The following PHF14 variants were observed in gnomAD, a reference collection of about 807,000 sequenced individuals.
PHF14 encodes the protein PHD finger protein 14.
In PHF14, 55 loss-of-function variants were observed where a neutral mutation model predicts 117.9. The ratio of observed to expected loss-of-function variants is 0.47; its 90% CI spans 0.38 to 0.58. The LOEUF (loss-of-function observed/expected upper bound fraction) is 0.58. Among genes scored for constraint, PHF14 ranks in the 20% least tolerant of loss-of-function variants. The probability of loss-of-function intolerance (pLI) is 0.00; values close to 1 mark genes in which losing one functional copy is unlikely to be tolerated. For missense variants in PHF14, 978 were observed against 1,122.2 expected (o/e 0.87, Z 1.84); for synonymous variants, 409 against 368.6 (o/e 1.11, Z -1.26).
chr7:11,072,620 C>A (rs2353344), intron 16 of PHF14, among the ~76,000 whole-genome samples: 56,408 of 151,600 alleles, frequency 0.37, 11,259 homozygotes, highest in East Asian at 0.85. Flanking sequence ...ATGGTAAAGG[C>A]TATATATATG....
chr7:10,995,679 G>T (rs1247879418), intron 4 of PHF14, among the ~76,000 whole-genome samples: 1 of 152,208 alleles, frequency 6.6e-6, no homozygotes, highest in Non-Finnish European at 1.5e-5. Context: ...TGGGCTGCAG[G>T]TTCCGAGCCC....
chr7:11,102,713 C>T, intron 16 of PHF14: 1 of 1,401,896 alleles, frequency 7.1e-7, no homozygotes, highest in Non-Finnish European at 9.3e-7. Context: ...CTTGGACTAA[C>T]AAGGCAGTAG....
Position 10,982,933 on chromosome 7 carries a change from C to A in PHF14, c.674C>A (p.Ser225Tyr), listed in dbSNP as rs61753124. 1 of 1,608,258 alleles carries A rather than the reference C, an allele frequency of 6.2e-7. No homozygotes were observed. The highest frequency in any genetic ancestry group is 1.7e-5 in the Admixed American group (1 of 58,770). ...RPTVVKRKGR[S>Y]ASQKEGSDGD... ...ACTGTAGTAAAGAGAAAAGGGAGATCTGCGTCTCAGAAAGAGGGAAGTGAT... is the reference window on the plus strand; with the variant it reads ...ACTGTAGTAAAGAGAAAAGGGAGATATGCGTCTCAGAAAGAGGGAAGTGAT... Residue 225 changes from serine to tyrosine, a missense_variant, in exon 3 of 18, where the codon TCT (serine) becomes TAT (tyrosine). Around this residue, in one of 7 missense-constraint regions of PHF14, gnomAD observed 414 missense variants for 376.4 expected, o/e 1.10. Transcript: ENST00000634607.
chr7:11,058,923 A>T (rs1785109579), intron 14 of PHF14, among the ~76,000 whole-genome samples: 1 of 151,304 alleles, frequency 6.6e-6, no homozygotes. Flanking sequence ...ATATTATTTT[A>T]TATTTTTATA....
intron 6 of PHF14, among the ~76,000 whole-genome samples, chr7:11,027,730 A>C (rs1033186042): frequency 2.3e-4 from 35 of 152,252 alleles, no homozygotes; most frequent in Admixed American, 3.9e-4. Flanking sequence ...TATTTAAAAC[A>C]TGCATGATTT....
chr7:11,151,406 C>A (rs915477016), intron 17 of PHF14, among the ~76,000 whole-genome samples: 1 of 151,896 alleles, frequency 6.6e-6, no homozygotes, highest in Non-Finnish European at 1.5e-5. Context: ...AAAATAAAAA[C>A]AAATTAGCTG....
intron 4 of PHF14, among the ~76,000 whole-genome samples, chr7:10,996,012 C>T (rs565789421): frequency 6.6e-6 from 1 of 152,336 alleles, no homozygotes; most frequent in East Asian, 1.9e-4. Flanking sequence ...CAAGTGCGGC[C>T]AGAGTGGGCG....
intron 16 of PHF14, chr7:11,106,111 A>G (rs754947953): frequency 2.0e-6 from 2 of 984,246 alleles, no homozygotes; most frequent in Non-Finnish European, 1.2e-6. Flanking sequence ...GTGTATTTTT[A>G]TATGAATTGT....
chr7:11,043,285 ATT>A (rs545466049), intron 13 of PHF14, among the ~76,000 whole-genome samples: 1 of 147,844 alleles, frequency 6.8e-6, no homozygotes, highest in African/African-American at 2.5e-5. Flanking sequence ...AACATTTCTG[ATT>A]TTTTTTTTTA....
At chr7:10,988,766 G>T (rs1474012413) in intron 3 of PHF14, among the ~76,000 whole-genome samples, 3 of 152,048 alleles carry the variant, frequency 2.0e-5, no homozygotes, top group African/African-American at 7.2e-5. Flanking sequence ...TTTATTGAGT[G>T]TCTAGTTTGT....
intron 17 of PHF14, among the ~76,000 whole-genome samples, chr7:11,137,147 T>C (rs1449827471): frequency 6.6e-6 from 1 of 152,182 alleles, no homozygotes; most frequent in African/African-American, 2.4e-5. Flanking sequence ...TTTTCTTGGG[T>C]ATCACACAAG....
intron 17 of PHF14, among the ~76,000 whole-genome samples, chr7:11,138,377 T>C (rs117176042): frequency 0.018 from 2,794 of 152,012 alleles, 38 homozygotes; most frequent in Middle Eastern, 0.044. Context: ...TACAAGGTGA[T>C]AATGAAAAAA....
intron 14 of PHF14, among the ~76,000 whole-genome samples, chr7:11,054,891 A>G (rs1784964178): frequency 6.6e-6 from 1 of 152,100 alleles, no homozygotes; most frequent in South Asian, 2.1e-4. Flanking sequence ...AAATTGATCA[A>G]AGTATAATTT....
chr7:11,013,295 G>A (rs954222305), intron 4 of PHF14, among the ~76,000 whole-genome samples: 8 of 152,010 alleles, frequency 5.3e-5, no homozygotes, highest in Non-Finnish European at 1.0e-4. Context: ...TCGAGTAGCT[G>A]GGATTCTGGG....
chr7:11,047,871 GAGGA>G (rs1784727042), intron 13 of PHF14, among the ~76,000 whole-genome samples: 1 of 131,200 alleles, frequency 7.6e-6, no homozygotes, highest in Non-Finnish European at 1.6e-5. Flanking sequence ...GGGAAAAAGA[GAGGA>G]AGGAAGGGAG....
intron 16 of PHF14, among the ~76,000 whole-genome samples, chr7:11,081,712 G>A (rs2020391): frequency 1.3e-5 from 2 of 151,712 alleles, no homozygotes; most frequent in Admixed American, 6.6e-5. Flanking sequence ...AAAAATTAGC[G>A]GGGTGTGGTG....
chr7:10,985,638 G>GTTTTTTTTTTTTTTTTTT (rs61250143), intron 3 of PHF14, among the ~76,000 whole-genome samples: 1 of 45,936 alleles, frequency 2.2e-5, no homozygotes, highest in Non-Finnish European at 4.0e-5. Context: ...TTCTCAAACT[G>GTTTTTTTTTTTTTTTTTT]TTTTTTTTTT....
At chr7:10,981,746 G>C (rs1412786169) in intron 2 of PHF14, among the ~76,000 whole-genome samples, 1 of 152,112 alleles carries the variant, frequency 6.6e-6, no homozygotes, top group Non-Finnish European at 1.5e-5. Flanking sequence ...AATTTCTCTT[G>C]CAACTTCCTT....
intron 6 of PHF14, among the ~76,000 whole-genome samples, chr7:11,025,274 C>T (rs1017446414): frequency 6.6e-6 from 1 of 152,158 alleles, no homozygotes; most frequent in African/African-American, 2.4e-5. Context: ...GAGTTGGAAT[C>T]TACTCCTGGT....
Sources: allele counts gnomAD v4.1 joint callset (sites outside exome capture counted in the v4.1 genomes callset), GRCh38; gene constraint gnomAD v4.1.1; regional missense constraint gnomAD v4.1.1; transcripts MANE v1.5; gene names NCBI Gene and HGNC (gene_info 2026-07-23, HGNC 2026-07-21).